The following CAMK1D variants were observed in gnomAD, a reference collection of about 807,000 sequenced individuals.
CAMK1D encodes calcium/calmodulin-dependent protein kinase type 1D.
Under a neutral mutation model 47.7 loss-of-function variants are expected in CAMK1D, and 9 were observed. The ratio of observed to expected loss-of-function variants is 0.19; its 90% CI spans 0.11 to 0.33. The LOEUF is 0.33. CAMK1D is among the 10% of genes least tolerant of loss of function. The pLI, the probability that CAMK1D is intolerant of heterozygous loss-of-function variation, is 1.00. For missense variants in CAMK1D, 291 were observed against 488.7 expected (o/e 0.60, Z 3.81); for synonymous variants, 184 against 184.9 (o/e 0.99, Z 0.04).
intron 3 of CAMK1D, among the ~76,000 whole-genome samples, chr10:12,684,102 T>C (rs1449318884): frequency 6.6e-6 from 1 of 152,222 alleles, no homozygotes; most frequent in Non-Finnish European, 1.5e-5. Context: ...ATCACTAGTA[T>C]ACACTTGCTA....
intron 6 of CAMK1D, among the ~76,000 whole-genome samples, chr10:12,794,592 A>T (rs1838113323): frequency 6.6e-6 from 1 of 152,150 alleles, no homozygotes; most frequent in South Asian, 2.1e-4. Flanking sequence ...TCCTTTGAGT[A>T]TAAATTTGGT....
chr10:12,809,165 A>G (rs1299651491), intron 6 of CAMK1D, among the ~76,000 whole-genome samples: 2 of 152,092 alleles, frequency 1.3e-5, no homozygotes, highest in African/African-American at 4.8e-5. Context: ...TCACTGCCTG[A>G]TAATAGTCAT....
chr10:12,522,163 C>G (rs1224353215), intron 1 of CAMK1D, among the ~76,000 whole-genome samples: 1 of 147,744 alleles, frequency 6.8e-6, no homozygotes, highest in Non-Finnish European at 1.5e-5. Context: ...CCCTTTCCTG[C>G]CTTCTTTTGT....
intron 1 of CAMK1D, among the ~76,000 whole-genome samples, chr10:12,535,417 T>C (rs1178604911): frequency 2.0e-5 from 3 of 152,238 alleles, no homozygotes; most frequent in Non-Finnish European, 4.4e-5. Context: ...TCTTCCATTG[T>C]CATTAGTGGT....
At chr10:12,483,195 T>TTTTAA (rs1237991883) in intron 1 of CAMK1D, among the ~76,000 whole-genome samples, 2 of 152,170 alleles carry the variant, frequency 1.3e-5, no homozygotes, top group African/African-American at 4.8e-5. Flanking sequence ...ATGCTTTATA[T>TTTTAA]TTTAATTTAA....
chr10:12,722,006 C>T (rs951000628), intron 3 of CAMK1D, among the ~76,000 whole-genome samples: 11 of 151,376 alleles, frequency 7.3e-5, no homozygotes, highest in Non-Finnish European at 1.5e-4. Flanking sequence ...TCTGAGGTCC[C>T]TTTTATAAGG....
intron 1 of CAMK1D, among the ~76,000 whole-genome samples, chr10:12,477,963 C>T (rs1055226866): frequency 6.6e-6 from 1 of 151,892 alleles, no homozygotes; most frequent in Non-Finnish European, 1.5e-5. Flanking sequence ...TGCTGTCCAT[C>T]TGGCTATTAT....
At position 12,468,739 on chromosome 10, in the gene CAMK1D, CAG is replaced by C. The variant is rs534206344; in HGVS notation, c.93-84485_93-84484del. On this transcript the variant is annotated intron_variant, in intron 1 of 10. Coordinates refer to ENST00000619168, the MANE Select transcript of CAMK1D (RefSeq NM_153498.4). ...CGGACGTGGAGTAGTTTAGGCTTGT[CAG>C]GGGCTCTTAAGTCTGATCTGCACCC... 3.6e-3 allele frequency among the ~76,000 whole-genome samples: 549 copies of C among 152,298 alleles called. 6 individuals are homozygous for C. The highest frequency in any genetic ancestry group is 5.6e-3 in the Non-Finnish European group (381 of 68,022).
chr10:12,473,722 A>T (rs1303054078), intron 1 of CAMK1D, among the ~76,000 whole-genome samples: 1 of 152,124 alleles, frequency 6.6e-6, no homozygotes, highest in Non-Finnish European at 1.5e-5. Flanking sequence ...TGCTGCTCTC[A>T]CACTCTAGAG....
intron 2 of CAMK1D, among the ~76,000 whole-genome samples, chr10:12,614,037 CTTAA>C (rs1282764969): frequency 6.6e-6 from 1 of 152,082 alleles, no homozygotes; most frequent in Non-Finnish European, 1.5e-5. Context: ...TGCTTTTCTC[CTTAA>C]TTATTATTTT....
intron 1 of CAMK1D, among the ~76,000 whole-genome samples, chr10:12,500,804 C>T (rs189622508): frequency 6.6e-6 from 1 of 152,224 alleles, no homozygotes; most frequent in African/African-American, 2.4e-5. Flanking sequence ...ATGTTGTACA[C>T]CTCTTACTTG....
chr10:12,534,927 T>C (rs1275461408), intron 1 of CAMK1D, among the ~76,000 whole-genome samples: 1 of 152,144 alleles, frequency 6.6e-6, no homozygotes, highest in Admixed American at 6.5e-5. Context: ...TTAGGCTTCA[T>C]TGGCAGAGCC....
intron 3 of CAMK1D, among the ~76,000 whole-genome samples, chr10:12,744,527 A>C (rs1309750354): frequency 6.6e-6 from 1 of 152,164 alleles, no homozygotes; most frequent in Non-Finnish European, 1.5e-5. Flanking sequence ...TTTAAAATGT[A>C]GCCATCCTAG....
At chr10:12,555,746 T>C (rs1356143783) in intron 2 of CAMK1D, among the ~76,000 whole-genome samples, 2 of 152,266 alleles carry the variant, frequency 1.3e-5, no homozygotes, top group Non-Finnish European at 2.9e-5. Flanking sequence ...GCACAGGGGC[T>C]GTCTGTTGAT....
chr10:12,602,997 G>A (rs777535348), intron 2 of CAMK1D, among the ~76,000 whole-genome samples: 6 of 151,196 alleles, frequency 4.0e-5, no homozygotes, highest in Admixed American at 1.3e-4. Context: ...AGCAACCTCT[G>A]CCTCCCGAGT....
At chr10:12,724,077 C>G (rs971674470) in intron 3 of CAMK1D, among the ~76,000 whole-genome samples, 4 of 152,204 alleles carry the variant, frequency 2.6e-5, no homozygotes, top group Non-Finnish European at 5.9e-5. Context: ...CAACCTCTAC[C>G]TCCCAGGTTC....
intron 1 of CAMK1D, among the ~76,000 whole-genome samples, chr10:12,401,116 AT>A (rs1460243786): frequency 6.5e-5 from 5 of 77,490 alleles, no homozygotes; most frequent in South Asian, 6.5e-4. Context: ...TTTTATATAT[AT>A]AATATATGTA....
chr10:12,809,051 A>G (rs1832491751), intron 6 of CAMK1D, among the ~76,000 whole-genome samples: 1 of 151,794 alleles, frequency 6.6e-6, no homozygotes, highest in Non-Finnish European at 1.5e-5. Flanking sequence ...CAGCAGGCAG[A>G]GGTTGCAGTG....
Position 12,648,188 on chromosome 10 carries a change from C to G in CAMK1D, c.225-18548C>G, listed in dbSNP as rs78036197. On this transcript the variant is annotated intron_variant, in intron 2 of 10. Transcript: ENST00000619168. ...ATTCCAGGACATACAGCCATTGTAA[C>G]CAGCTAAGAGTTCGTGGGGCACTCA... 9.0e-3 allele frequency among the ~76,000 whole-genome samples: 1,371 copies of G among 152,288 alleles called. 19 individuals are homozygous for G. The highest frequency in any genetic ancestry group is 0.031 in the African/African-American group (1,294 of 41,552).
Sources: allele counts gnomAD v4.1 joint callset (sites outside exome capture counted in the v4.1 genomes callset), GRCh38; gene constraint gnomAD v4.1.1; transcripts MANE v1.5; gene names NCBI Gene and HGNC (gene_info 2026-07-23, HGNC 2026-07-21).